UBE2E2: variants seen among roughly 807,000 people sequenced by gnomAD.
UBE2E2 encodes the protein ubiquitin-conjugating enzyme E2 E2.
In UBE2E2, 6 loss-of-function variants were observed where a neutral mutation model predicts 24.7. The observed-to-expected ratio is 0.24, with a 90% CI of 0.13 to 0.48. The LOEUF (loss-of-function observed/expected upper bound fraction) is 0.48, where lower values mean the gene tolerates loss of function less well. Ranked by LOEUF, UBE2E2 falls within the 20% of genes least tolerant of loss-of-function variation. UBE2E2 has a pLI of 0.99. For missense variants in UBE2E2, 169 were observed against 245.0 expected, an observed-to-expected ratio of 0.69 and a Z score of 2.07; for synonymous variants, 104 against 83.6, an observed-to-expected ratio of 1.24 and a Z score of -1.33.
At chr3:23,516,678 C>T (rs1168259177) in intron 4 of UBE2E2, among the ~76,000 whole-genome samples, 2 of 152,052 alleles carry the variant, frequency 1.3e-5, no homozygotes, top group Admixed American at 6.5e-5. Flanking sequence ...CTATTCTTAA[C>T]CTTTTTAATA....
chr3:23,240,848 G>A (rs1697241457), intron 3 of UBE2E2, among the ~76,000 whole-genome samples: 1 of 151,966 alleles, frequency 6.6e-6, no homozygotes, highest in South Asian at 2.1e-4. Context: ...CTTTAATGAT[G>A]GAGCATTTCA....
chr3:23,577,436 C>A (rs988548722), intron 5 of UBE2E2, among the ~76,000 whole-genome samples: 1 of 151,936 alleles, frequency 6.6e-6, no homozygotes, highest in Non-Finnish European at 1.5e-5. Context: ...CCTAATCCAG[C>A]ATAAGGCCGT....
At chr3:23,295,031 T>C (rs1698873062) in intron 3 of UBE2E2, among the ~76,000 whole-genome samples, 1 of 152,162 alleles carries the variant, frequency 6.6e-6, no homozygotes, top group Non-Finnish European at 1.5e-5. Context: ...TGTGTAAATT[T>C]TGCAGTTAAA....
At chr3:23,225,485 A>T (rs900594055) in intron 3 of UBE2E2, among the ~76,000 whole-genome samples, 1 of 152,112 alleles carries the variant, frequency 6.6e-6, no homozygotes, top group African/African-American at 2.4e-5. Flanking sequence ...GTGGTATGAG[A>T]TTAGAGTCCA....
chr3:23,351,130 C>A (rs1279375340), intron 3 of UBE2E2, among the ~76,000 whole-genome samples: 6 of 151,836 alleles, frequency 4.0e-5, no homozygotes. Flanking sequence ...CATATCCAGC[C>A]AAACTAAGCT....
intron 3 of UBE2E2, among the ~76,000 whole-genome samples, chr3:23,383,654 T>G (rs187195933): frequency 1.3e-5 from 2 of 152,288 alleles, no homozygotes; most frequent in East Asian, 3.9e-4. Context: ...TTGTTTTGTT[T>G]TACAAGTGTT....
chr3:23,204,582 A>G (rs74327063), intron 1 of UBE2E2: 2 of 580,090 alleles, frequency 3.4e-6, no homozygotes, highest in East Asian at 2.9e-4. Flanking sequence ...TGCCTTTACT[A>G]CGGCAATTTG....
At chr3:23,379,119 T>G (rs1696597406) in intron 3 of UBE2E2, among the ~76,000 whole-genome samples, 1 of 152,206 alleles carries the variant, frequency 6.6e-6, no homozygotes, top group Non-Finnish European at 1.5e-5. Flanking sequence ...AGATTGAATG[T>G]CTGTGATCAA....
intron 2 of UBE2E2, 52 bp from the exon 3 acceptor site, chr3:23,217,210 T>C (rs1327206996): frequency 6.8e-7 from 1 of 1,477,294 alleles, no homozygotes; most frequent in East Asian, 2.3e-5. Flanking sequence ...TGAAATAAAT[T>C]GTTAAGAGTG....
chr3:23,415,528 G>A (rs1270167301), intron 3 of UBE2E2, among the ~76,000 whole-genome samples: 3 of 152,286 alleles, frequency 2.0e-5, no homozygotes, highest in Middle Eastern at 6.8e-3. Context: ...TGTTATACAT[G>A]TACACATCAT....
chr3:23,568,257 C>T (rs763473828), intron 5 of UBE2E2, among the ~76,000 whole-genome samples: 2 of 152,174 alleles, frequency 1.3e-5, no homozygotes, highest in Non-Finnish European at 2.9e-5. Context: ...TCACAATTCC[C>T]TTGTCCTACT....
chr3:23,326,880 G>A lies in UBE2E2; in HGVS notation c.227+109568G>A, dbSNP rs191737765. ...GATGTTCCCCACCCTGTGTCCAAGTGTTCTTATTGTTCAATTCCTACCTAT... is the reference window on the plus strand; with the variant it reads ...GATGTTCCCCACCCTGTGTCCAAGTATTCTTATTGTTCAATTCCTACCTAT... On this transcript the variant is annotated intron_variant, in intron 3 of 5. Coordinates refer to ENST00000396703, the MANE Select transcript of UBE2E2 (RefSeq NM_152653.4). 2.4e-4 allele frequency among the ~76,000 whole-genome samples: 37 copies of A among 152,074 alleles called. No homozygotes were observed. In the East Asian group the frequency reaches 6.0e-3, roughly 25 times the overall value.
At chr3:23,271,457 AG>A (rs1289526735) in intron 3 of UBE2E2, among the ~76,000 whole-genome samples, 1 of 152,196 alleles carries the variant, frequency 6.6e-6, no homozygotes, top group Non-Finnish European at 1.5e-5. Flanking sequence ...CAGCGTGGTA[AG>A]GGGACCCGAG....
At chr3:23,214,187 T>A (rs1371029819) in intron 2 of UBE2E2, among the ~76,000 whole-genome samples, 1 of 152,202 alleles carries the variant, frequency 6.6e-6, no homozygotes, top group East Asian at 1.9e-4. Flanking sequence ...TTGAATAATA[T>A]AGACCTAGAA....
At chr3:23,375,496 GACAGC>G in intron 3 of UBE2E2, among the ~76,000 whole-genome samples, 1 of 152,126 alleles carries the variant, frequency 6.6e-6, no homozygotes, top group Non-Finnish European at 1.5e-5. Context: ...AGAAGACTTG[GACAGC>G]AATACATAGA....
chr3:23,325,757 C>T (rs1019715713), intron 3 of UBE2E2, among the ~76,000 whole-genome samples: 23 of 152,320 alleles, frequency 1.5e-4, no homozygotes, highest in South Asian at 4.1e-4. Context: ...CTAACCCCTC[C>T]GTATCACTGA....
intron 3 of UBE2E2, among the ~76,000 whole-genome samples, chr3:23,358,600 A>G (rs1330782553): frequency 6.6e-6 from 1 of 152,250 alleles, no homozygotes; most frequent in Non-Finnish European, 1.5e-5. Context: ...TTAAATTCAT[A>G]TACTGGTCTA....
chr3:23,211,621 C>T (rs1696326657), intron 2 of UBE2E2, among the ~76,000 whole-genome samples: 2 of 151,976 alleles, frequency 1.3e-5, no homozygotes. Context: ...GTCTTGAACT[C>T]ATGGTTGCAA....
At chr3:23,313,162 G>C (rs1694458771) in intron 3 of UBE2E2, among the ~76,000 whole-genome samples, 1 of 151,856 alleles carries the variant, frequency 6.6e-6, no homozygotes, top group African/African-American at 2.4e-5. Context: ...TTTTCTGTCT[G>C]GATGATCTGT....
Sources: gnomAD v4.1 joint callset for allele counts (sites outside exome capture counted in the v4.1 genomes callset) on GRCh38, gnomAD v4.1.1 for gene constraint, MANE v1.5 for transcripts, NCBI Gene and HGNC (gene_info 2026-07-23, HGNC 2026-07-21) for gene names.